The following CCDC7 variants were observed in gnomAD, a reference collection of about 807,000 sequenced individuals.
The protein encoded by CCDC7 is coiled-coil domain-containing protein 7.
CCDC7 carries 183 observed loss-of-function variants against 196.9 expected under a neutral mutation model. The observed-to-expected ratio is 0.93, with a 90% confidence interval of 0.82 to 1.05. The LOEUF (loss-of-function observed/expected upper bound fraction) is 1.05. Among genes scored for constraint, CCDC7 ranks in the 50% least tolerant of loss-of-function variants. The pLI, the probability that CCDC7 is intolerant of heterozygous loss-of-function variation, is 0.00. For missense variants in CCDC7, 1,540 were observed against 1,482.2 expected (o/e 1.04, Z -0.64); for synonymous variants, 525 against 484.6 (o/e 1.08, Z -1.10).
intron 9 of CCDC7, among the ~76,000 whole-genome samples, chr10:32,506,744 C>T (rs1418853642): frequency 6.6e-6 from 1 of 151,720 alleles, no homozygotes; most frequent in Non-Finnish European, 1.5e-5. Flanking sequence ...CCCAGGCACT[C>T]GGCGGGCCAA....
intron 14 of CCDC7, among the ~76,000 whole-genome samples, chr10:32,567,349 T>A (rs1017530611): frequency 1.3e-5 from 2 of 151,962 alleles, no homozygotes; most frequent in African/African-American, 2.4e-5. Context: ...TTATAGTCTA[T>A]CAATTTTTAT....
intron 9 of CCDC7, among the ~76,000 whole-genome samples, chr10:32,504,681 T>C (rs778234003): frequency 3.2e-4 from 49 of 152,164 alleles, no homozygotes; most frequent in Non-Finnish European, 3.4e-4. Flanking sequence ...TGTTTAGGAG[T>C]GTGTTAATTT....
At chr10:32,518,416 G>A in exon 11 of CCDC7, 1 of 1,593,860 alleles carries the variant, frequency 6.3e-7, no homozygotes, top group Non-Finnish European at 8.5e-7. Context: ...TTGTTTTTAG[G>A]AATACAAACA....
chr10:32,701,282 T>C (rs1338831185), intron 24 of CCDC7, among the ~76,000 whole-genome samples: 2 of 152,218 alleles, frequency 1.3e-5, no homozygotes, highest in Non-Finnish European at 2.9e-5. Context: ...TTGAATTTTG[T>C]CAAAGGCCTT....
chr10:32,489,731 G>C (rs1276399301), intron 8 of CCDC7, among the ~76,000 whole-genome samples: 1 of 152,178 alleles, frequency 6.6e-6, no homozygotes, highest in Non-Finnish European at 1.5e-5. Context: ...CTGGTGCAGA[G>C]TGAGCATGGC....
intron 16 of CCDC7, among the ~76,000 whole-genome samples, chr10:32,582,356 C>T (rs553970310): frequency 6.6e-6 from 1 of 151,850 alleles, no homozygotes; most frequent in African/African-American, 2.4e-5. Flanking sequence ...CTGTTCAAAA[C>T]AAAATGCATC....
intron 29 of CCDC7, among the ~76,000 whole-genome samples, chr10:32,785,896 C>A (rs2081783683): frequency 6.6e-6 from 1 of 152,076 alleles, no homozygotes; most frequent in African/African-American, 2.4e-5. Context: ...TTTCAGGGAG[C>A]TAGTCTTCGA....
rs745902452 is a variant in CCDC7 at position 32,711,618 on chromosome 10, A to G, written c.2459-2A>G. The G allele has an allele frequency of 3.2e-6, 5 of 1,560,598 alleles. No individual in the cohort carries two copies. Among genetic ancestry groups the G allele is most frequent in the Non-Finnish European group, 3.5e-6 (4 of 1,147,800 alleles). ...AGGGACTAAATTTCTCTCTTAACAT[A>G]GCTCATGATGAAGAATCAGGTGAAA... On this transcript the variant is annotated splice_acceptor_variant, in intron 24 of 41. Transcript: ENST00000639629. LOFTEE classifies it high-confidence loss of function.
intron 11 of CCDC7, among the ~76,000 whole-genome samples, chr10:32,537,521 GT>G (rs1275580563): frequency 6.6e-6 from 1 of 151,998 alleles, no homozygotes; most frequent in African/African-American, 2.4e-5. Context: ...GTTAATTTTT[GT>G]TTTTGTCGAA....
At chr10:32,716,917 A>T (rs181873645) in intron 25 of CCDC7, among the ~76,000 whole-genome samples, 1 of 152,260 alleles carries the variant, frequency 6.6e-6, no homozygotes, top group African/African-American at 2.4e-5. Flanking sequence ...AGAGACTTAG[A>T]CTCCCACACA....
chr10:32,688,906 T>C, intron 22 of CCDC7, 147 bp from the exon 24 acceptor site: 1 of 597,152 alleles, frequency 1.7e-6, no homozygotes, highest in Non-Finnish European at 3.0e-6. Context: ...TCTCACCATT[T>C]TCATAGTAGA....
intron 35 of CCDC7, 81 bp downstream of exon 36, chr10:32,845,707 C>T (rs577044683): frequency 6.3e-4 from 812 of 1,291,464 alleles, no homozygotes; most frequent in Non-Finnish European, 8.3e-4. Flanking sequence ...CATTTAATGG[C>T]AATAGTACCT....
At chr10:32,652,058 G>A (rs72468117) in intron 20 of CCDC7, among the ~76,000 whole-genome samples, 21,434 of 151,946 alleles carry the variant, frequency 0.14, 1,841 homozygotes, top group African/African-American at 0.25. Context: ...ATCGCTTTTA[G>A]TCTGTTAATA....
At chr10:32,454,988 C>G (rs115064594) in intron 2 of CCDC7, among the ~76,000 whole-genome samples, 1 of 152,104 alleles carries the variant, frequency 6.6e-6, no homozygotes, top group East Asian at 1.9e-4. Context: ...ATCATCACTC[C>G]CTTTCACACG....
chr10:32,599,789 C>G (rs1400134145), intron 18 of CCDC7, among the ~76,000 whole-genome samples: 1 of 152,106 alleles, frequency 6.6e-6, no homozygotes, highest in Non-Finnish European at 1.5e-5. Flanking sequence ...TATGCAGGTT[C>G]TTAAATACCT....
intron 18 of CCDC7, among the ~76,000 whole-genome samples, chr10:32,596,142 G>A (rs1355295507): frequency 6.6e-6 from 1 of 152,236 alleles, no homozygotes; most frequent in African/African-American, 2.4e-5. Flanking sequence ...TGACAGTGGG[G>A]TGTTAAAATC....
At chr10:32,685,722 C>G (rs1465308259) in intron 21 of CCDC7, among the ~76,000 whole-genome samples, 2 of 151,958 alleles carry the variant, frequency 1.3e-5, no homozygotes, top group African/African-American at 4.8e-5. Flanking sequence ...TATAAAGAAC[C>G]TAGGAAAAAT....
intron 21 of CCDC7, among the ~76,000 whole-genome samples, chr10:32,673,654 C>CGTTGTGTGTGTGTGTGT (rs1554978967): frequency 1.4e-5 from 2 of 147,948 alleles, no homozygotes; most frequent in African/African-American, 5.1e-5. Context: ...CCATTGTGCA[C>CGTTGTGTGTGTGTGTGT]GTGTGTGTGT....
chr10:32,548,073 G>A (rs917047406), intron 13 of CCDC7, among the ~76,000 whole-genome samples: 1 of 152,080 alleles, frequency 6.6e-6, no homozygotes, highest in Non-Finnish European at 1.5e-5. Context: ...AACAGCACTC[G>A]AACATAAATT....
Sources: allele counts gnomAD v4.1 joint callset (sites outside exome capture counted in the v4.1 genomes callset), GRCh38; gene constraint gnomAD v4.1.1; transcripts MANE v1.5; gene names NCBI Gene and HGNC (gene_info 2026-07-23, HGNC 2026-07-21).